Variants in FBXO15 observed in about 807,000 individuals in gnomAD.
FBXO15 encodes F-box protein 15.
FBXO15 carries 30 observed loss-of-function variants against 49.5 expected under a neutral mutation model. That is an observed-to-expected ratio of 0.61 (90% CI 0.45 to 0.82). FBXO15 has a LOEUF of 0.82. Ranked by LOEUF, FBXO15 falls within the 40% of genes least tolerant of loss-of-function variation. The pLI is 0.00. For missense variants in FBXO15, 591 were observed against 631.5 expected (o/e 0.94, Z 0.69); for synonymous variants, 250 against 232.7 (o/e 1.07, Z -0.68).
At chr18:74,097,087 T>A (rs1913312462) in intron 8 of FBXO15, 1 of 152,226 alleles carries the variant, frequency 6.6e-6, no homozygotes, top group African/African-American at 2.4e-5. Flanking sequence ...CCCTGTGGGC[T>A]CTCTGGATCC....
At chr18:74,092,317 A>G (rs1021144834) in intron 8 of FBXO15, among the ~76,000 whole-genome samples, 8 of 152,190 alleles carry the variant, frequency 5.3e-5, no homozygotes, top group Non-Finnish European at 1.2e-4. Context: ...GGGTTTTGAC[A>G]TTCTTCTGAA....
chr18:74,088,470 A>G (rs974174665), intron 8 of FBXO15, among the ~76,000 whole-genome samples: 1 of 152,154 alleles, frequency 6.6e-6, no homozygotes, highest in Non-Finnish European at 1.5e-5. Flanking sequence ...TCCTTTCCCC[A>G]TTGCATGTTT....
Position 74,129,615 on chromosome 18 carries a change from C to A in FBXO15, c.576-1G>T. ...AATTGCCCAACCTAAACCAAATATT[C>A]TGGAGAAAGAAAAAAAAACTAACAA... On this transcript the variant is annotated splice_acceptor_variant, in intron 4 of 9. Transcript: ENST00000419743. LOFTEE classifies it high-confidence loss of function. The A allele has an allele frequency of 1.3e-6, 2 of 1,591,844 alleles. No individual in the cohort carries two copies. Among genetic ancestry groups the A allele is most frequent in the Non-Finnish European group, 1.7e-6 (2 of 1,171,986 alleles).
At position 74,075,371 on chromosome 18, in the gene FBXO15, T is replaced by A. The variant is rs969241152; in HGVS notation, c.1264-1641A>T. Among the ~76,000 whole-genome samples the A allele has an allele frequency of 2.0e-5, 3 of 152,224 alleles. No individual in the cohort carries two copies. Among genetic ancestry groups the A allele is most frequent in the Admixed American group, 6.5e-5 (1 of 15,290 alleles). ...CGGGTGTGGCCCAGTAACCTCCTGC[T>A]GCAGCGTAGCCCATCTTGCAAAGGC... On this transcript the variant is annotated intron_variant, in intron 9 of 9. Transcript: ENST00000419743. The surrounding 1 kb of genome is among the most constrained non-coding windows in gnomAD (Gnocchi z 4.1).
intron 1 of FBXO15, 135 bp from the exon 2 acceptor site, chr18:74,140,447 A>C: frequency 1.3e-6 from 1 of 765,742 alleles, no homozygotes; most frequent in African/African-American, 1.8e-5. Context: ...TGCAAAGAAA[A>C]AAAGGAAGGG....
At chr18:74,088,035 T>C (rs996740548) in intron 8 of FBXO15, among the ~76,000 whole-genome samples, 1 of 152,214 alleles carries the variant, frequency 6.6e-6, no homozygotes, top group East Asian at 1.9e-4. Context: ...TGTCTGTTCA[T>C]GTCCTTTGCC....
chr18:74,144,890 G>A (rs565650322), intron 1 of FBXO15, among the ~76,000 whole-genome samples: 4 of 152,172 alleles, frequency 2.6e-5, no homozygotes, highest in South Asian at 2.1e-4. Context: ...TGTGTGTCCC[G>A]AATTTATGAA....
At chr18:74,138,543 G>A (rs922736808) in intron 2 of FBXO15, among the ~76,000 whole-genome samples, 8 of 151,756 alleles carry the variant, frequency 5.3e-5, no homozygotes, top group African/African-American at 1.7e-4. Flanking sequence ...CTCCTGAGTC[G>A]CCTTTGCCTT....
At chr18:74,130,267 C>A (rs961092925) in intron 4 of FBXO15, 149 bp downstream of exon 4, 13 of 1,103,576 alleles carry the variant, frequency 1.2e-5, no homozygotes, top group Non-Finnish European at 1.6e-5. Context: ...GAAGGCTATG[C>A]GGAATAGGAA....
intron 5 of FBXO15, 25 bp from the exon 6 acceptor site, chr18:74,126,126 G>A (rs1914700687): frequency 1.2e-6 from 2 of 1,611,200 alleles, no homozygotes; most frequent in Admixed American, 1.7e-5. Context: ...CCAAGGAAAG[G>A]AGAGAGAGAA....
chr18:74,076,167 C>T (rs1367296502), intron 9 of FBXO15: 1 of 152,300 alleles, frequency 6.6e-6, no homozygotes, highest in Non-Finnish European at 1.5e-5. Context: ...GACGAGCCAA[C>T]CATCACCCAA....
At chr18:74,095,765 C>T (rs1025513925) in intron 8 of FBXO15, among the ~76,000 whole-genome samples, 1 of 152,112 alleles carries the variant, frequency 6.6e-6, no homozygotes, top group Non-Finnish European at 1.5e-5. Context: ...TGCAGAGGTG[C>T]CACAAACTTT....
At chr18:74,116,457 A>G (rs767036102) in intron 8 of FBXO15, among the ~76,000 whole-genome samples, 1 of 152,216 alleles carries the variant, frequency 6.6e-6, no homozygotes, top group Admixed American at 6.5e-5. Flanking sequence ...TGGAGCATCC[A>G]TAAAATCCCT....
At position 74,117,573 on chromosome 18, in the gene FBXO15, G is replaced by A. The variant is rs540228593; in HGVS notation, c.1138+5795C>T. Among the ~76,000 whole-genome samples the A allele has an allele frequency of 5.9e-5, 9 of 152,180 alleles. No individual in the cohort carries two copies. In the South Asian group the frequency reaches 8.3e-4, roughly 14 times the overall value. On this transcript the variant is annotated intron_variant, in intron 8 of 9. Coordinates refer to ENST00000419743, the MANE Select transcript of FBXO15 (RefSeq NM_001142958.2). ...AGGACATACCCAGCTCTGGAGTCGC[G>A]CGGACCTGAGTGCAGACTGTGCCAC... is the stretch of plus-strand genomic sequence containing the variant.
intron 7 of FBXO15, among the ~76,000 whole-genome samples, chr18:74,124,107 A>G (rs959203761): frequency 2.6e-5 from 4 of 152,070 alleles, no homozygotes; most frequent in Admixed American, 6.6e-5. Context: ...AAAGACACAC[A>G]CTGTCCAGAC....
intron 3 of FBXO15, 53 bp downstream of exon 3, chr18:74,135,709 G>T: frequency 7.1e-7 from 1 of 1,402,258 alleles, no homozygotes; most frequent in South Asian, 1.3e-5. Flanking sequence ...TAGTTTTCCT[G>T]ACTTCCATCA....
intron 8 of FBXO15, among the ~76,000 whole-genome samples, chr18:74,102,794 T>C (rs1913581138): frequency 6.6e-6 from 1 of 152,190 alleles, no homozygotes. Context: ...GATGAATCAA[T>C]GGCATTTGCA....
rs1213487201 is a variant in FBXO15, at chr18:74,075,140, C to T, written c.1264-1410G>A. On this transcript the variant is annotated intron_variant, in intron 9 of 9. Transcript: ENST00000419743. The surrounding 1 kb of genome is among the most constrained non-coding windows in gnomAD (Gnocchi z 4.1). ...GGCCTGACGGTCCCACCCTGGCTCT[C>T]TGGGTGGCTCCCTCTCCGCCTCATG... Among the ~76,000 whole-genome samples the T allele has an allele frequency of 6.6e-6, 1 of 152,218 alleles. No homozygotes were observed. Among genetic ancestry groups the T allele is most frequent in the African/African-American group, 2.4e-5 (1 of 41,462 alleles).
At chr18:74,096,605 G>A (rs1227718490) in intron 8 of FBXO15, among the ~76,000 whole-genome samples, 10 of 146,524 alleles carry the variant, frequency 6.8e-5, no homozygotes, top group Admixed American at 1.4e-4. Flanking sequence ...ATAGCCACAA[G>A]AAAGAAGAGC....
Sources: allele counts gnomAD v4.1 joint callset (sites outside exome capture counted in the v4.1 genomes callset), GRCh38; gene constraint gnomAD v4.1.1; non-coding constraint Gnocchi (gnomAD v3.1); transcripts MANE v1.5; gene names NCBI Gene and HGNC (gene_info 2026-07-23, HGNC 2026-07-21).